NEO1: variants seen among roughly 807,000 people sequenced by gnomAD.
NEO1 encodes the protein neogenin.
In NEO1, 63 loss-of-function variants were observed where a neutral mutation model predicts 159.7. The ratio of observed to expected loss-of-function variants is 0.39; its 90% CI spans 0.32 to 0.49. The LOEUF is 0.49. NEO1 is among the 20% of genes least tolerant of loss of function. NEO1 has a pLI of 0.85. For missense variants in NEO1, 1,615 were observed against 1,831.0 expected, an observed-to-expected ratio of 0.88 and a Z score of 2.15; for synonymous variants, 633 against 662.0, an observed-to-expected ratio of 0.96 and a Z score of 0.67.
intron 1 of NEO1, among the ~76,000 whole-genome samples, chr15:73,096,171 T>C (rs1363167758): frequency 6.6e-6 from 1 of 152,160 alleles, no homozygotes; most frequent in Non-Finnish European, 1.5e-5. Context: ...AAATTCATCT[T>C]GTTCATGTCC....
At chr15:73,211,015 T>C (rs2037526618) in intron 7 of NEO1, among the ~76,000 whole-genome samples, 1 of 152,192 alleles carries the variant, frequency 6.6e-6, no homozygotes, top group Non-Finnish European at 1.5e-5. Context: ...TACATAAACA[T>C]TTTTTACAAT....
chr15:73,157,934 G>C (rs2033896702), intron 5 of NEO1, among the ~76,000 whole-genome samples: 1 of 152,000 alleles, frequency 6.6e-6, no homozygotes, highest in Admixed American at 6.6e-5. Context: ...AATTGTTTTT[G>C]ACCAAATGTG....
intron 7 of NEO1, among the ~76,000 whole-genome samples, chr15:73,229,279 A>T (rs2038773939): frequency 6.6e-6 from 1 of 151,880 alleles, no homozygotes; most frequent in African/African-American, 2.4e-5. Context: ...ATCCCTAGAT[A>T]TTTTTGTTAA....
chr15:73,106,662 G>T (rs2070710637), intron 1 of NEO1, among the ~76,000 whole-genome samples: 1 of 152,168 alleles, frequency 6.6e-6, no homozygotes, highest in Non-Finnish European at 1.5e-5. Context: ...ACTTGATTCA[G>T]ATCTTGCCTT....
At chr15:73,248,899 A>C (rs1455653199) in intron 9 of NEO1, among the ~76,000 whole-genome samples, 161 bp from the exon 10 acceptor site, 2 of 152,230 alleles carry the variant, frequency 1.3e-5, no homozygotes, top group Non-Finnish European at 2.9e-5. Flanking sequence ...AAAAAGGAAA[A>C]TGTGTTTATA....
At chr15:73,218,009 T>G (rs982697757) in intron 7 of NEO1, among the ~76,000 whole-genome samples, 1 of 152,138 alleles carries the variant, frequency 6.6e-6, no homozygotes, top group African/African-American at 2.4e-5. Flanking sequence ...TGTGCCAGTT[T>G]TCAAAGGGAA....
intron 11 of NEO1, among the ~76,000 whole-genome samples, chr15:73,250,171 G>GTT (rs1220504820): frequency 1.3e-5 from 2 of 150,666 alleles, no homozygotes; most frequent in East Asian, 1.9e-4. Context: ...TCTAAATTAA[G>GTT]TTATATATAT....
At chr15:73,282,488 C>T (rs1486564436) in intron 22 of NEO1, among the ~76,000 whole-genome samples, 1 of 152,204 alleles carries the variant, frequency 6.6e-6, no homozygotes, top group Non-Finnish European at 1.5e-5. Context: ...ACAGACTTTA[C>T]TTTTCATGCA....
At chr15:73,245,709 G>A (rs988109312) in intron 9 of NEO1, among the ~76,000 whole-genome samples, 2 of 151,624 alleles carry the variant, frequency 1.3e-5, no homozygotes, top group Non-Finnish European at 2.9e-5. Flanking sequence ...TGAGTAGCTG[G>A]GACTACAGGT....
At chr15:73,235,475 A>G (rs2039122129) in intron 7 of NEO1, among the ~76,000 whole-genome samples, 1 of 152,204 alleles carries the variant, frequency 6.6e-6, no homozygotes, top group Non-Finnish European at 1.5e-5. Flanking sequence ...CTACCGCTAT[A>G]CAAAAGTGGC....
chr15:73,141,511 C>T (rs1439322790), intron 5 of NEO1, among the ~76,000 whole-genome samples: 2 of 152,136 alleles, frequency 1.3e-5, no homozygotes, highest in Admixed American at 6.6e-5. Context: ...ACAGTTACAA[C>T]AGTCTGTGAT....
chr15:73,171,616 T>C (rs1007818762), intron 5 of NEO1, among the ~76,000 whole-genome samples: 4 of 28,808 alleles, frequency 1.4e-4, no homozygotes, highest in Non-Finnish European at 4.4e-4. Flanking sequence ...AAGAAACTAT[T>C]ATTATTATTA....
At chr15:73,095,362 G>A (rs1176637455) in intron 1 of NEO1, among the ~76,000 whole-genome samples, 1 of 152,162 alleles carries the variant, frequency 6.6e-6, no homozygotes, top group East Asian at 1.9e-4. Context: ...GCAACTGTGT[G>A]TAGCCTGAAA....
At chr15:73,233,745 G>T (rs761392281) in intron 7 of NEO1, among the ~76,000 whole-genome samples, 1 of 151,918 alleles carries the variant, frequency 6.6e-6, no homozygotes, top group Non-Finnish European at 1.5e-5. Flanking sequence ...CCATCACCTC[G>T]TCCTCCCTGC....
At chr15:73,110,764 C>T (rs184487918) in intron 1 of NEO1, among the ~76,000 whole-genome samples, 2 of 152,162 alleles carry the variant, frequency 1.3e-5, no homozygotes, top group East Asian at 3.9e-4. Flanking sequence ...TGACTCTGGC[C>T]ATACTAAACC....
intron 5 of NEO1, among the ~76,000 whole-genome samples, chr15:73,149,380 A>G (rs950805249): frequency 3.9e-5 from 6 of 152,110 alleles, no homozygotes; most frequent in African/African-American, 1.2e-4. Context: ...TTCAAACACT[A>G]TTTATTCTGT....
intron 1 of NEO1, among the ~76,000 whole-genome samples, chr15:73,073,913 A>T (rs1403452972): frequency 6.6e-6 from 1 of 152,144 alleles, no homozygotes; most frequent in African/African-American, 2.4e-5. Context: ...GAGATTGTAG[A>T]TTCCCAGTAA....
At chr15:73,215,812 G>C (rs1236370457) in intron 7 of NEO1, among the ~76,000 whole-genome samples, 1 of 152,008 alleles carries the variant, frequency 6.6e-6, no homozygotes, top group Non-Finnish European at 1.5e-5. Flanking sequence ...GAATTAGGGA[G>C]GGTTCCCTTT....
At chr15:73,292,847 C>G (rs2042210418) in intron 25 of NEO1, among the ~76,000 whole-genome samples, 1 of 152,220 alleles carries the variant, frequency 6.6e-6, no homozygotes, top group Non-Finnish European at 1.5e-5. Flanking sequence ...TAAACAGCTA[C>G]TTATTTATTT....
Sources: gnomAD v4.1 joint callset for allele counts (sites outside exome capture counted in the v4.1 genomes callset) on GRCh38, gnomAD v4.1.1 for gene constraint, MANE v1.5 for transcripts, NCBI Gene and HGNC (gene_info 2026-07-23, HGNC 2026-07-21) for gene names.